Variants in CFTR observed in about 807,000 individuals in gnomAD.
CFTR encodes CF transmembrane conductance regulator.
A neutral mutation model predicts 171.6 loss-of-function variants in CFTR; 181 were observed. The ratio of observed to expected loss-of-function variants is 1.05; its 90% CI spans 0.93 to 1.19. CFTR has a LOEUF of 1.19. CFTR is among the 50% of genes most tolerant of loss of function. The pLI is 0.00. For missense variants in CFTR, 1,968 were observed against 1,734.7 expected, an observed-to-expected ratio of 1.13 and a Z score of -2.39; for synonymous variants, 583 against 608.0, an observed-to-expected ratio of 0.96 and a Z score of 0.60.
chr7:117,483,529 A>T (rs1011496810), intron 1 of CFTR, among the ~76,000 whole-genome samples: 1 of 152,146 alleles, frequency 6.6e-6, no homozygotes, highest in Admixed American at 6.5e-5. Flanking sequence ...CATTAAAAAA[A>T]AATGCATTGC....
chr7:117,542,266 G>A (rs1336967265), intron 9 of CFTR, among the ~76,000 whole-genome samples, 158 bp downstream of exon 9: 1 of 152,178 alleles, frequency 6.6e-6, no homozygotes, highest in Non-Finnish European at 1.5e-5. Context: ...AAGAAGTAGA[G>A]GAATGGCCAG....
chr7:117,618,350 G>A (rs774420390), intron 21 of CFTR, among the ~76,000 whole-genome samples: 16 of 152,092 alleles, frequency 1.1e-4, no homozygotes, highest in Non-Finnish European at 1.8e-4. Flanking sequence ...TTACCTGGCC[G>A]TGGTGGCATG....
chr7:117,539,946 A>G (rs1799019653), intron 7 of CFTR, among the ~76,000 whole-genome samples, 154 bp from the exon 8 acceptor site: 1 of 152,174 alleles, frequency 6.6e-6, no homozygotes, highest in Non-Finnish European at 1.5e-5. Flanking sequence ...ATTAAATAAC[A>G]TGCCCAAGGT....
intron 15 of CFTR, among the ~76,000 whole-genome samples, chr7:117,597,730 C>T (rs540576911): frequency 2.6e-5 from 4 of 151,810 alleles, no homozygotes; most frequent in Non-Finnish European, 5.9e-5. Flanking sequence ...AAATCACACA[C>T]TTGCTTACAG....
intron 7 of CFTR, among the ~76,000 whole-genome samples, chr7:117,537,482 C>G (rs1464880147): frequency 6.6e-6 from 1 of 152,050 alleles, no homozygotes; most frequent in Non-Finnish European, 1.5e-5. Context: ...ATACACTGTT[C>G]AAGGAACAAA....
chr7:117,535,234 C>T lies in CFTR; in HGVS notation c.580-14C>T. 1 of 1,613,894 alleles carries T rather than the reference C, an allele frequency of 6.2e-7. No individual in the cohort carries two copies. Among genetic ancestry groups the T allele is most frequent in the Non-Finnish European group, 8.5e-7 (1 of 1,179,860 alleles). ...TACAATGACACCTGTTTTTGCTGTG[C>T]TTTTATTTTCCAGGGACTTGCATTG... On this transcript the variant is annotated splice_polypyrimidine_tract_variant and intron_variant, in intron 5 of 26. Transcript: ENST00000003084.
intron 10 of CFTR, among the ~76,000 whole-genome samples, chr7:117,553,797 A>G (rs1212783219): frequency 2.6e-5 from 4 of 152,296 alleles, no homozygotes; most frequent in Non-Finnish European, 4.4e-5. Context: ...AAATAAAAAT[A>G]TAAGTGGCCT....
At chr7:117,656,673 G>A (rs1440152606) in intron 24 of CFTR, among the ~76,000 whole-genome samples, 1 of 152,074 alleles carries the variant, frequency 6.6e-6, no homozygotes, top group East Asian at 1.9e-4. Context: ...AAAGAAAAGG[G>A]AACATAAATT....
At chr7:117,650,809 A>G (rs1231617990) in intron 23 of CFTR, among the ~76,000 whole-genome samples, 2 of 152,106 alleles carry the variant, frequency 1.3e-5, no homozygotes, top group Non-Finnish European at 2.9e-5. Context: ...CTGAGTACTG[A>G]TGGGCTCTTT....
chr7:117,667,205 C>A lies in CFTR; in HGVS notation c.*97C>A. The A allele has an allele frequency of 9.0e-7, 1 of 1,105,484 alleles. No homozygotes were observed. Among genetic ancestry groups the A allele is most frequent in the Non-Finnish European group, 1.4e-6 (1 of 735,438 alleles). The allele number at this position is 1,105,484 out of a possible 1,614,324, so 68.5% of individuals were successfully genotyped here. ...ATTGGAGCTCGTGGAACAGTTACCT[C>A]TGCCTCAGAAAACAAGGATGAATTA... On this transcript the variant is annotated 3_prime_UTR_variant, in exon 27 of 27. Transcript: ENST00000003084.
At chr7:117,532,839 T>C (rs182129231) in intron 4 of CFTR, among the ~76,000 whole-genome samples, 10 of 152,258 alleles carry the variant, frequency 6.6e-5, no homozygotes, top group Non-Finnish European at 1.5e-4. Flanking sequence ...GGCAATCCCA[T>C]CTCCGTGTGG....
chr7:117,540,148 T>G lies in CFTR; in HGVS notation c.918T>G (p.Asn306Lys), dbSNP rs200046355. Residue 306 changes from asparagine (N) to lysine (K), a missense_variant, in exon 8 of 27, where the codon AAT becomes AAG. Physicochemically the swap from Asn to Lys is moderately conservative, Grantham distance 94. Coordinates refer to ENST00000003084, the MANE Select transcript of CFTR (RefSeq NM_000492.4). ...AGGCAGCCTATGTGAGATACTTCAA[T>G]AGCTCAGCCTTCTTCTTCTCAGGGT... is the stretch of plus-strand genomic sequence containing the variant. ...TRKAAYVRYF[N>K]SSAFFFSGFF... 6.2e-7 allele frequency: 1 copy of G among 1,613,416 alleles called. No homozygotes were observed. Among genetic ancestry groups the G allele is most frequent in the African/African-American group, 1.3e-5 (1 of 74,926 alleles).
intron 1 of CFTR, chr7:117,488,018 T>G (rs1269437890): frequency 2.0e-5 from 3 of 152,070 alleles, no homozygotes; most frequent in Non-Finnish European, 4.4e-5. Context: ...ATTTTAAACA[T>G]CTCTATAAAC....
intron 11 of CFTR, among the ~76,000 whole-genome samples, chr7:117,567,374 A>G (rs1411907524): frequency 6.6e-6 from 1 of 152,222 alleles, no homozygotes; most frequent in African/African-American, 2.4e-5. Context: ...ATAGAAAAAT[A>G]TTCATGAAGA....
chr7:117,635,425 G>A (rs992028460), intron 22 of CFTR, among the ~76,000 whole-genome samples: 14 of 151,856 alleles, frequency 9.2e-5, no homozygotes, highest in African/African-American at 2.9e-4. Flanking sequence ...GGTATATTTG[G>A]ACTATTGATA....
rs1435904536 is a variant in CFTR at position 117,627,912 on chromosome 7, A to G, written c.3717+142A>G. 4 of 848,450 alleles carry G rather than the reference A, an allele frequency of 4.7e-6. No individual in the cohort carries two copies. The African/African-American group carries it at 6.8e-5, about 14-fold the overall frequency. 52.6% of individuals were successfully genotyped at this position (848,450 alleles called of 1,614,324 possible). On this transcript the variant is annotated intron_variant, in intron 22 of 26. Coordinates refer to ENST00000003084, the MANE Select transcript of CFTR (RefSeq NM_000492.4). ...ATATTAAACACACATGTTTTATTAT[A>G]TGGAGTCATTATTTTTAATATGAAA...
chr7:117,542,087 T>G lies in CFTR; in HGVS notation c.1188T>G (p.Asn396Lys). Residue 396 changes from asparagine to lysine, a missense_variant, in exon 9 of 27, where the codon AAT becomes AAG. Asn to Lys is a moderately conservative substitution (Grantham distance 94). Coordinates refer to ENST00000003084, the MANE Select transcript of CFTR (RefSeq NM_000492.4). Reference protein sequence around the residue: ...NLTTTEVVMENVTAFWEEGFG... With the variant: ...NLTTTEVVMEKVTAFWEEGFG... ...CGACTACAGAAGTAGTGATGGAGAA[T>G]GTAACAGCCTTCTGGGAGGAGGTCA... is the stretch of plus-strand genomic sequence containing the variant. 1 of 1,593,812 alleles carries G rather than the reference T, an allele frequency of 6.3e-7. No homozygotes were observed. Among genetic ancestry groups the G allele is most frequent in the Non-Finnish European group, 8.6e-7 (1 of 1,161,594 alleles).
chr7:117,625,625 T>G (rs936492416), intron 21 of CFTR, among the ~76,000 whole-genome samples: 1 of 152,198 alleles, frequency 6.6e-6, no homozygotes, highest in Non-Finnish European at 1.5e-5. Context: ...GAATTGTGTA[T>G]AGAATTAACA....
intron 20 of CFTR, among the ~76,000 whole-genome samples, chr7:117,614,106 C>A (rs1172608512): frequency 7.1e-6 from 1 of 141,364 alleles, no homozygotes; most frequent in Non-Finnish European, 1.5e-5. Context: ...AGTCCACTTA[C>A]TTCCCAATAG....
Sources: gnomAD v4.1 joint callset for allele counts (sites outside exome capture counted in the v4.1 genomes callset) on GRCh38, gnomAD v4.1.1 for gene constraint, MANE v1.5 for transcripts, NCBI Gene and HGNC (gene_info 2026-07-23, HGNC 2026-07-21) for gene names.